AGPAT3: variants seen among roughly 807,000 people sequenced by gnomAD.
The protein encoded by AGPAT3 is 1-acyl-sn-glycerol-3-phosphate acyltransferase gamma.
Under a neutral mutation model 47.3 loss-of-function variants are expected in AGPAT3, and 5 were observed. The observed-to-expected ratio is 0.11, with a 90% CI of 0.06 to 0.22. AGPAT3 has a LOEUF of 0.22. Among genes scored for constraint, AGPAT3 ranks in the 10% least tolerant of loss-of-function variants. The pLI is 1.00. For missense variants in AGPAT3, 315 were observed against 493.0 expected (o/e 0.64, Z 3.42); for synonymous variants, 212 against 208.3 (o/e 1.02, Z -0.15).
At chr21:43,958,013 C>T (rs376177250) in intron 2 of AGPAT3, among the ~76,000 whole-genome samples, 2 of 152,134 alleles carry the variant, frequency 1.3e-5, no homozygotes, top group Admixed American at 6.5e-5. Flanking sequence ...GCTTCAAATA[C>T]GCACACGAGT....
chr21:43,953,190 C>A (rs1228673849), intron 2 of AGPAT3, among the ~76,000 whole-genome samples: 1 of 152,326 alleles, frequency 6.6e-6, no homozygotes, highest in Non-Finnish European at 1.5e-5. Flanking sequence ...AGGCGGGGAG[C>A]GTCTCGGGGA....
intron 1 of AGPAT3, among the ~76,000 whole-genome samples, chr21:43,874,297 A>C (rs2085687877): frequency 6.6e-6 from 1 of 152,228 alleles, no homozygotes; most frequent in Non-Finnish European, 1.5e-5. Context: ...GAGTGCTGGG[A>C]TTACAGGCAT....
chr21:43,899,771 G>A (rs977589917), intron 1 of AGPAT3, among the ~76,000 whole-genome samples: 1 of 152,166 alleles, frequency 6.6e-6, no homozygotes, highest in Non-Finnish European at 1.5e-5. Context: ...CCTCGGCCCC[G>A]GTTCTGTTGG....
intron 2 of AGPAT3, among the ~76,000 whole-genome samples, chr21:43,957,982 A>G (rs1037515195): frequency 3.9e-5 from 6 of 152,212 alleles, no homozygotes; most frequent in Admixed American, 2.0e-4. Flanking sequence ...TGTGCAGGAA[A>G]CCAGAACAGA....
chr21:43,885,409 G>A, intron 1 of AGPAT3, among the ~76,000 whole-genome samples: 1 of 136,928 alleles, frequency 7.3e-6, no homozygotes, highest in Admixed American at 7.5e-5. Flanking sequence ...TTTTTTTTGA[G>A]ACAGAGTCTT....
chr21:43,914,533 T>TTTTTG (rs550805908), intron 2 of AGPAT3, among the ~76,000 whole-genome samples: 1,530 of 152,044 alleles, frequency 0.01, 26 homozygotes, highest in African/African-American at 0.032. Flanking sequence ...GTAGAGGTTT[T>TTTTTG]TTTTGTTTTG....
chr21:43,884,442 C>G (rs1045616330), intron 1 of AGPAT3, among the ~76,000 whole-genome samples: 1 of 152,176 alleles, frequency 6.6e-6, no homozygotes, highest in Non-Finnish European at 1.5e-5. Flanking sequence ...ATGGCCCTTT[C>G]CTAATCCGAA....
At chr21:43,965,464 C>G (rs1218936338) in intron 3 of AGPAT3, 1 of 152,318 alleles carries the variant, frequency 6.6e-6, no homozygotes, top group East Asian at 1.9e-4. Context: ...AGGCTTCAGT[C>G]TCTAAACCTC....
intron 2 of AGPAT3, among the ~76,000 whole-genome samples, chr21:43,917,939 GT>G (rs1336908226): frequency 2.1e-5 from 1 of 47,050 alleles, no homozygotes; most frequent in Non-Finnish European, 4.0e-5. Flanking sequence ...GGTGTTGTGG[GT>G]GTTGTGGGGG....
chr21:43,868,474 T>C (rs1210151775), intron 1 of AGPAT3, among the ~76,000 whole-genome samples: 33 of 152,138 alleles, frequency 2.2e-4, no homozygotes, highest in Admixed American at 2.0e-3. Context: ...CTGTCCCCAG[T>C]GACTGGGAAG....
chr21:43,915,431 T>TGC (rs1430420860), intron 2 of AGPAT3, among the ~76,000 whole-genome samples: 3 of 141,686 alleles, frequency 2.1e-5, no homozygotes, highest in Non-Finnish European at 4.6e-5. Flanking sequence ...TTTTTTTTTT[T>TGC]GCGACAGTCT....
At position 43,878,157 on chromosome 21, in the gene AGPAT3, G is replaced by A. The variant is rs574282419; in HGVS notation, c.-112+12812G>A. On this transcript the variant is annotated intron_variant, in intron 1 of 9. Coordinates refer to ENST00000291572, the MANE Select transcript of AGPAT3 (RefSeq NM_020132.5). ...TGATGTCAGTGTCCCCCGACCTCAC[G>A]CTCTGCACCCCCACACCCGGTCTTC... Among the ~76,000 whole-genome samples the A allele has an allele frequency of 8.8e-4, 133 of 151,552 alleles. 1 individual carries two copies. The highest frequency in any genetic ancestry group is 2.9e-3 in the African/African-American group (119 of 41,220).
At chr21:43,877,528 C>G (rs1278939267) in intron 1 of AGPAT3, among the ~76,000 whole-genome samples, 4 of 152,064 alleles carry the variant, frequency 2.6e-5, no homozygotes, top group African/African-American at 9.7e-5. Context: ...CCACAACTTC[C>G]GCCCCCCGGG....
chr21:43,949,339 G>C (rs561133983), intron 2 of AGPAT3, among the ~76,000 whole-genome samples: 1 of 152,278 alleles, frequency 6.6e-6, no homozygotes, highest in Non-Finnish European at 1.5e-5. Flanking sequence ...GTTTCCCCTG[G>C]GGTCATTGGA....
chr21:43,955,290 G>C lies in AGPAT3; in HGVS notation c.-48-4344G>C. ...AAAGCTGACCTGCATTGTCAGGCTGGGTGGGGAAGGACTTGGATGGAAATG... is the reference window on the plus strand; with the variant it reads ...AAAGCTGACCTGCATTGTCAGGCTGCGTGGGGAAGGACTTGGATGGAAATG... On this transcript the variant is annotated intron_variant, in intron 2 of 9. Transcript: ENST00000291572. This position sits in a 1 kb window ranked among gnomAD's most constrained non-coding sequence, Gnocchi z 4.1. The C allele has an allele frequency of 8.8e-7, 1 of 1,140,700 alleles. No homozygotes were observed. Among genetic ancestry groups the C allele is most frequent in the Non-Finnish European group, 1.1e-6 (1 of 903,710 alleles). 70.7% of individuals were successfully genotyped at this position (1,140,700 alleles called of 1,614,324 possible).
chr21:43,889,379 A>G (rs554387496), intron 1 of AGPAT3, among the ~76,000 whole-genome samples: 1 of 151,952 alleles, frequency 6.6e-6, no homozygotes, highest in East Asian at 1.9e-4. Context: ...TTTTAATCAC[A>G]ATCATGATTG....
intron 2 of AGPAT3, among the ~76,000 whole-genome samples, chr21:43,907,739 C>G (rs1009661613): frequency 6.6e-6 from 1 of 152,138 alleles, no homozygotes. Flanking sequence ...AACAAAAAAA[C>G]CGTTCCATAT....
intron 2 of AGPAT3, among the ~76,000 whole-genome samples, chr21:43,924,469 C>T (rs902894600): frequency 6.6e-6 from 1 of 152,226 alleles, no homozygotes; most frequent in East Asian, 1.9e-4. Flanking sequence ...ATACCTGCTG[C>T]TTATCACACA....
At chr21:43,899,538 C>T (rs986505760) in intron 1 of AGPAT3, among the ~76,000 whole-genome samples, 10 of 152,176 alleles carry the variant, frequency 6.6e-5, no homozygotes, top group Admixed American at 2.6e-4. Context: ...ATCCCCGGGA[C>T]GCCCTTGCCC....
Sources: allele counts gnomAD v4.1 joint callset (sites outside exome capture counted in the v4.1 genomes callset), GRCh38; gene constraint gnomAD v4.1.1; non-coding constraint Gnocchi (gnomAD v3.1); transcripts MANE v1.5; gene names NCBI Gene and HGNC (gene_info 2026-07-23, HGNC 2026-07-21).